The following CD2 variants were observed in gnomAD, a reference collection of about 807,000 sequenced individuals.
CD2 encodes CD2 molecule, also known as T-cell surface antigen CD2.
Under a neutral mutation model 23.2 loss-of-function variants are expected in CD2, and 18 were observed. That is an observed-to-expected ratio of 0.77 (90% CI 0.54 to 1.15). The LOEUF (loss-of-function observed/expected upper bound fraction) is 1.15. Ranked by LOEUF, CD2 falls within the 50% of genes most tolerant of loss-of-function variation. The pLI, the probability that CD2 is intolerant of heterozygous loss-of-function variation, is 0.00. For synonymous variants in CD2, 162 were observed against 151.9 expected, an observed-to-expected ratio of 1.07 and a Z score of -0.49; for missense variants, 424 against 423.1, an observed-to-expected ratio of 1.00 and a Z score of -0.02.
Position 116,754,431 on chromosome 1 carries a change from G to T in CD2, c.-62G>T, listed in dbSNP as rs375541049. The T allele has an allele frequency of 7.0e-7, 1 of 1,422,296 alleles. No homozygotes were observed. Among genetic ancestry groups the T allele is most frequent in the Admixed American group, 1.8e-5 (1 of 55,356 alleles). 88.1% of individuals were successfully genotyped at this position (1,422,296 alleles called of 1,614,324 possible). A position where few individuals can be genotyped will look rare whatever the true frequency, so the allele number is the denominator to read the frequency against. On this transcript the variant is annotated 5_prime_UTR_variant, in exon 1 of 5. Coordinates refer to ENST00000369478, the MANE Select transcript of CD2 (RefSeq NM_001767.5). ...AGCTCTCGGGGTGTGGACTCCACCA[G>T]TCTCACTTCAGTTCCTTTTGCATGA... is the stretch of plus-strand genomic sequence containing the variant.
intron 3 of CD2, among the ~76,000 whole-genome samples, chr1:116,762,060 G>T (rs560842679): frequency 6.6e-6 from 1 of 152,224 alleles, no homozygotes; most frequent in South Asian, 2.1e-4. Flanking sequence ...GAACTCCTGT[G>T]CTCAAACTAT....
chr1:116,759,169 T>C (rs575037675), intron 2 of CD2, among the ~76,000 whole-genome samples: 3 of 152,326 alleles, frequency 2.0e-5, no homozygotes, highest in South Asian at 2.1e-4. Flanking sequence ...TTGCTGAATG[T>C]TGATAATTTC....
intron 3 of CD2, among the ~76,000 whole-genome samples, chr1:116,763,331 G>A (rs1652114482): frequency 6.6e-6 from 1 of 152,220 alleles, no homozygotes; most frequent in Non-Finnish European, 1.5e-5. Context: ...TGGGCTTCAT[G>A]TATAACAGTG....
At position 116,755,941 on chromosome 1, in the gene CD2, C is replaced by T. The variant is rs551581789; in HGVS notation, c.382+990C>T. 2.8e-4 allele frequency among the ~76,000 whole-genome samples: 42 copies of T among 152,230 alleles called. No individual in the cohort carries two copies. The South Asian group carries it at 4.2e-3, about 15-fold the overall frequency. The stretch of plus-strand genomic sequence containing the variant: ...AGGCAGACAGGAACCCCAGCATGAG[C>T]ACAGGCCAGCCATTCAGTGAGCAAA... On this transcript the variant is annotated intron_variant, in intron 2 of 4. Coordinates refer to ENST00000369478, the MANE Select transcript of CD2 (RefSeq NM_001767.5).
At chr1:116,765,871 C>T (rs1462830705) in intron 4 of CD2, among the ~76,000 whole-genome samples, 2 of 152,238 alleles carry the variant, frequency 1.3e-5, no homozygotes, top group East Asian at 1.9e-4. Context: ...ATAAAAAAGT[C>T]GTTAGTCTCT....
rs1652313259 is a variant in CD2, at chr1:116,769,020, C to CTT, written c.*237_*238insTT. ...AGGAGAAGCAATATAAGTGTGATTGCAAGAATGGTAGAGGACCGAGCACAG... is the reference window on the plus strand; with the variant it reads ...AGGAGAAGCAATATAAGTGTGATTGCTTAAGAATGGTAGAGGACCGAGCACAG... On this transcript the variant is annotated 3_prime_UTR_variant, in exon 5 of 5. Coordinates refer to ENST00000369478, the MANE Select transcript of CD2 (RefSeq NM_001767.5). 3 of 517,142 alleles carry CTT rather than the reference C, an allele frequency of 5.8e-6. No homozygotes were observed. Among genetic ancestry groups the CTT allele is most frequent in the South Asian group, 2.8e-5 (1 of 35,506 alleles). The allele number at this position is 517,142 out of a possible 1,614,324, so 32.0% of individuals were successfully genotyped here.
At chr1:116,756,859 C>T (rs1041708480) in intron 2 of CD2, among the ~76,000 whole-genome samples, 3 of 152,152 alleles carry the variant, frequency 2.0e-5, no homozygotes, top group Admixed American at 2.0e-4. Context: ...TGTGAGTCTG[C>T]TTTTCCAATG....
intron 4 of CD2, among the ~76,000 whole-genome samples, chr1:116,767,447 C>A (rs148863445): frequency 6.6e-6 from 1 of 151,884 alleles, no homozygotes; most frequent in Non-Finnish European, 1.5e-5. Context: ...CAATATTAGC[C>A]GGGCGTGGTG....
At chr1:116,759,623 G>T (rs186364179) in intron 2 of CD2, among the ~76,000 whole-genome samples, 1 of 152,158 alleles carries the variant, frequency 6.6e-6, no homozygotes, top group African/African-American at 2.4e-5. Context: ...AGTGCCTAAC[G>T]ATCTGCCCAG....
intron 4 of CD2, among the ~76,000 whole-genome samples, chr1:116,765,428 A>T (rs368631984): frequency 6.6e-6 from 1 of 152,124 alleles, no homozygotes; most frequent in African/African-American, 2.4e-5. Flanking sequence ...AGGTGGTCCA[A>T]ACTTCCCCAG....
chr1:116,765,412 C>G (rs1360839121), intron 4 of CD2, among the ~76,000 whole-genome samples: 1 of 152,182 alleles, frequency 6.6e-6, no homozygotes, highest in Non-Finnish European at 1.5e-5. Context: ...CCAGTGCTGC[C>G]CAGGGAGGTG....
At chr1:116,758,011 C>T (rs1055663437) in intron 2 of CD2, among the ~76,000 whole-genome samples, 4 of 151,676 alleles carry the variant, frequency 2.6e-5, no homozygotes, top group Admixed American at 6.6e-5. Flanking sequence ...TCAAGAGATC[C>T]GCCCACCTTA....
At chr1:116,760,352 T>TA (rs780489954) in intron 2 of CD2, 50 bp from the exon 3 acceptor site, 1 of 1,483,022 alleles carries the variant, frequency 6.7e-7, no homozygotes, top group African/African-American at 1.4e-5. Context: ...ATATGTTTAT[T>TA]AAAATCAGAA....
At chr1:116,764,824 C>G (rs1452136000) in intron 4 of CD2, 2 of 557,172 alleles carry the variant, frequency 3.6e-6, no homozygotes, top group Non-Finnish European at 6.4e-6. Flanking sequence ...CTTTGAGACA[C>G]TGAATCCAGT....
intron 3 of CD2, among the ~76,000 whole-genome samples, chr1:116,763,803 C>T (rs897119809): frequency 1.5e-4 from 23 of 152,162 alleles, no homozygotes; most frequent in African/African-American, 5.6e-4. Flanking sequence ...ATTACAGTGA[C>T]TGAAGGTCCA....
At chr1:116,763,087 G>C (rs1235953542) in intron 3 of CD2, among the ~76,000 whole-genome samples, 4 of 152,140 alleles carry the variant, frequency 2.6e-5, no homozygotes, top group African/African-American at 9.7e-5. Flanking sequence ...AAGCCAGCAG[G>C]GCCTAAAGGG....
chr1:116,757,975 G>A (rs1256263110), intron 2 of CD2, among the ~76,000 whole-genome samples: 1 of 151,680 alleles, frequency 6.6e-6, no homozygotes, highest in Non-Finnish European at 1.5e-5. Context: ...CACCATGTTG[G>A]CCAGGCTACT....
At position 116,760,541 on chromosome 1, in the gene CD2, C is replaced by G; in HGVS notation, c.522C>G (p.His174Gln). The G allele has an allele frequency of 1.9e-6, 3 of 1,614,196 alleles. No homozygotes were observed. Among genetic ancestry groups the G allele is most frequent in the East Asian group, 2.2e-5 (1 of 44,884 alleles). The change falls in exon 3 of 5, where the codon CAC becomes CAG. Residue 174 changes from histidine to glutamine, a missense_variant. Coordinates refer to ENST00000369478, the MANE Select transcript of CD2 (RefSeq NM_001767.5). ...AACTTTCTCAGAGGGTCATCACACA[C>G]AAGTGGACCACCAGCCTGAGTGCAA... is the stretch of plus-strand genomic sequence containing the variant. ...HLKLSQRVIT[H>Q]KWTTSLSAKF...
chr1:116,758,997 A>T (rs972068428), intron 2 of CD2, among the ~76,000 whole-genome samples: 6 of 152,112 alleles, frequency 3.9e-5, no homozygotes, highest in African/African-American at 1.4e-4. Context: ...CCTATCATTC[A>T]ATTTGTCCAT....
Sources: gnomAD v4.1 joint callset for allele counts (sites outside exome capture counted in the v4.1 genomes callset) on GRCh38, gnomAD v4.1.1 for gene constraint, MANE v1.5 for transcripts, NCBI Gene and HGNC (gene_info 2026-07-23, HGNC 2026-07-21) for gene names.